FLVCR1: variants seen among roughly 807,000 people sequenced by gnomAD.
FLVCR1 encodes the protein FLVCR choline and heme transporter 1.
In FLVCR1, 34 loss-of-function variants were observed where a neutral mutation model predicts 53.6. That is an observed-to-expected ratio of 0.63 (90% CI 0.48 to 0.84). The LOEUF is 0.84. Ranked by LOEUF, FLVCR1 falls within the 40% of genes least tolerant of loss-of-function variation. FLVCR1 has a pLI of 0.00. For missense variants in FLVCR1, 677 were observed against 696.7 expected (o/e 0.97, Z 0.32); for synonymous variants, 300 against 286.3 (o/e 1.05, Z -0.48).
Position 212,898,419 on chromosome 1 carries a change from ATGTT to A in FLVCR1, c.*3131_*3134del, listed in dbSNP as rs1558125241. ...AATATATTTTAAGGTCTCTCCCCAAATGTTTTTATTTTTAAACTATCAATGTTGT... is the reference window on the plus strand; with the variant it reads ...AATATATTTTAAGGTCTCTCCCCAAATTTATTTTTAAACTATCAATGTTGT... On this transcript the variant is annotated 3_prime_UTR_variant, in exon 10 of 10. Coordinates refer to ENST00000366971, the MANE Select transcript of FLVCR1 (RefSeq NM_014053.4). 5.3e-5 allele frequency: 8 copies of A among 151,724 alleles called. No individual in the cohort carries two copies. Among genetic ancestry groups the A allele is most frequent in the African/African-American group, 1.9e-4 (8 of 41,212 alleles). The allele number at this position is 151,724 out of a possible 1,614,324, so 9.4% of individuals were successfully genotyped here. A position where few individuals can be genotyped will look rare whatever the true frequency, so the allele number is the denominator to read the frequency against.
intron 2 of FLVCR1, among the ~76,000 whole-genome samples, chr1:212,869,598 C>T (rs915386787): frequency 2.0e-5 from 3 of 152,214 alleles, no homozygotes; most frequent in Admixed American, 6.5e-5. Flanking sequence ...GGCTGGAGTG[C>T]GGTGGTGCGA....
chr1:212,888,645 T>C (rs1665117248), intron 7 of FLVCR1, 51 bp downstream of exon 7: 1 of 1,214,446 alleles, frequency 8.2e-7, no homozygotes, highest in Non-Finnish European at 1.2e-6. Flanking sequence ...CCAGATATTC[T>C]AGTGAGTAAT....
chr1:212,886,823 A>T (rs1375264157), intron 5 of FLVCR1, among the ~76,000 whole-genome samples: 1 of 152,090 alleles, frequency 6.6e-6, no homozygotes, highest in East Asian at 1.9e-4. Context: ...AAAAAAGAAT[A>T]TACTCTGTTA....
intron 8 of FLVCR1, among the ~76,000 whole-genome samples, chr1:212,893,577 A>C (rs1347957877): frequency 6.6e-6 from 1 of 152,126 alleles, no homozygotes; most frequent in African/African-American, 2.4e-5. Flanking sequence ...CTTTCATGAA[A>C]GGAAGAGTTG....
chr1:212,893,812 G>T (rs1665264031), intron 8 of FLVCR1, among the ~76,000 whole-genome samples: 1 of 152,130 alleles, frequency 6.6e-6, no homozygotes, highest in Non-Finnish European at 1.5e-5. Context: ...TTTCGCTCTT[G>T]TTGCCCAGGC....
chr1:212,858,583 C>A lies in FLVCR1; in HGVS notation c.131C>A (p.Ala44Glu). 6.7e-7 allele frequency: 1 copy of A among 1,500,024 alleles called. No homozygotes were observed. The highest frequency in any genetic ancestry group is 2.5e-5 in the East Asian group (1 of 40,548). The allele number at this position is 1,500,024 out of a possible 1,614,324, so 92.9% of individuals were successfully genotyped here. A position where few individuals can be genotyped will look rare whatever the true frequency, so the allele number is the denominator to read the frequency against. The change falls in exon 1 of 10, where the codon GCG becomes GAG. Residue 44 changes from alanine to glutamate, a missense_variant. Transcript: ENST00000366971. The part of the protein sequence containing the change: ...ESVELQNGPK[A>E]GTFPVNGAPR... ...GTGGAGCTGCAGAACGGGCCCAAAG[C>A]GGGCACCTTCCCGGTGAATGGGGCC...
rs1665382292 is a variant in FLVCR1 at position 212,897,860 on chromosome 1, A to G, written c.*2570A>G. ...GCCAACCTTCAACATTGGGGATTAC[A>G]TTTCAATGTGAGATTGGAGGGACAA... On this transcript the variant is annotated 3_prime_UTR_variant, in exon 10 of 10. Coordinates refer to ENST00000366971, the MANE Select transcript of FLVCR1 (RefSeq NM_014053.4). 1 of 152,230 alleles carries G rather than the reference A, an allele frequency of 6.6e-6. No homozygotes were observed. The highest frequency in any genetic ancestry group is 2.4e-5 in the African/African-American group (1 of 41,452). The allele number at this position is 152,230 out of a possible 1,614,324, so 9.4% of individuals were successfully genotyped here.
intron 5 of FLVCR1, among the ~76,000 whole-genome samples, chr1:212,886,526 A>C (rs1225549248): frequency 6.6e-6 from 1 of 152,146 alleles, no homozygotes; most frequent in African/African-American, 2.4e-5. Context: ...CTGGTTTGAC[A>C]CAATGTCTTA....
At position 212,858,836 on chromosome 1, in the gene FLVCR1, C is replaced by G. The variant is rs756953485; in HGVS notation, c.384C>G (p.Tyr128Ter). 1 of 1,614,238 alleles carries G rather than the reference C, an allele frequency of 6.2e-7. No homozygotes were observed. The highest frequency in any genetic ancestry group is 1.1e-5 in the South Asian group (1 of 91,092). ...TCAACGCCTTTCAGTGGATCCAGTA[C>G]AGCATCATTAGCAACGTCTTCGAGG... The part of the protein sequence containing the change: ...SLVNAFQWIQ[Y>*]SIISNVFEGF... The change falls in exon 1 of 10, where the codon TAC (tyrosine) becomes TAG (stop). Residue 128 changes from tyrosine (Y) to a stop codon, truncating the protein, a stop_gained. Coordinates refer to ENST00000366971, the MANE Select transcript of FLVCR1 (RefSeq NM_014053.4). LOFTEE classifies it high-confidence loss of function.
At chr1:212,885,489 G>A (rs1665036242) in intron 5 of FLVCR1, 93 bp downstream of exon 5, 1 of 771,756 alleles carries the variant, frequency 1.3e-6, no homozygotes, top group Non-Finnish European at 2.2e-6. Flanking sequence ...TTTAAAACAT[G>A]TTATTACTTA....
At chr1:212,873,649 A>G (rs1250392775) in intron 3 of FLVCR1, among the ~76,000 whole-genome samples, 3 of 152,186 alleles carry the variant, frequency 2.0e-5, no homozygotes, top group Non-Finnish European at 2.9e-5. Context: ...TTTTCTTCAG[A>G]GTTTTCTGAC....
rs1665372022 is a variant in FLVCR1 at position 212,897,417 on chromosome 1, G to A, written c.*2127G>A. The A allele has an allele frequency of 6.6e-6, 1 of 151,756 alleles. No individual in the cohort carries two copies. Among genetic ancestry groups the A allele is most frequent in the South Asian group, 2.1e-4 (1 of 4,832 alleles). The allele number at this position is 151,756 out of a possible 1,614,324, so 9.4% of individuals were successfully genotyped here. Reference sequence around the variant, plus strand: ...CACGCCTGTAGTCCCAGCTTCTTGGGAAGCTGAGGCATGAGAATTGCCTGA... The same window carrying A: ...CACGCCTGTAGTCCCAGCTTCTTGGAAAGCTGAGGCATGAGAATTGCCTGA... On this transcript the variant is annotated 3_prime_UTR_variant, in exon 10 of 10. Transcript: ENST00000366971.
intron 2 of FLVCR1, among the ~76,000 whole-genome samples, chr1:212,871,906 C>A (rs1051918396): frequency 6.6e-6 from 1 of 152,170 alleles, no homozygotes; most frequent in Non-Finnish European, 1.5e-5. Flanking sequence ...AGCTCTACCC[C>A]TGTACTTTCC....
chr1:212,891,799 T>A (rs141034121), intron 8 of FLVCR1, among the ~76,000 whole-genome samples: 80 of 152,320 alleles, frequency 5.3e-4, no homozygotes, highest in Admixed American at 1.3e-3. Flanking sequence ...AAAGCCCAGA[T>A]AGGCCAAAAG....
In FLVCR1 at chr1:212,897,166, C is replaced by CTCAAATAAAT. The variant is rs1665360122; in HGVS notation, c.*1876_*1877insTCAAATAAAT. The CTCAAATAAAT allele has an allele frequency of 3.5e-5, 5 of 143,590 alleles. No individual in the cohort carries two copies. The highest frequency in any genetic ancestry group is 1.3e-4 in the African/African-American group (5 of 37,256). 8.9% of individuals were successfully genotyped at this position (143,590 alleles called of 1,614,324 possible). A position where few individuals can be genotyped will look rare whatever the true frequency, so the allele number is the denominator to read the frequency against. On this transcript the variant is annotated 3_prime_UTR_variant, in exon 10 of 10. Coordinates refer to ENST00000366971, the MANE Select transcript of FLVCR1 (RefSeq NM_014053.4). ...CCTGGGAGATAAAGTGAGACTGTCT[C>CTCAAATAAAT]AAATAAATAAATAAATAAATAAATA... is the stretch of plus-strand genomic sequence containing the variant.
chr1:212,858,436 G>A lies in FLVCR1; in HGVS notation c.-17G>A. On this transcript the variant is annotated 5_prime_UTR_variant, in exon 1 of 10. Transcript: ENST00000366971. ...GAGTGGGGCGGGGGAGCGAGGTGGC[G>A]CCGGGGAGCCTGGGATATGGCGCGG... 1.4e-6 allele frequency: 2 copies of A among 1,431,658 alleles called. No individual in the cohort carries two copies. The highest frequency in any genetic ancestry group is 1.8e-6 in the Non-Finnish European group (2 of 1,097,904). The allele number at this position is 1,431,658 out of a possible 1,614,324, so 88.7% of individuals were successfully genotyped here. A position where few individuals can be genotyped will look rare whatever the true frequency, so the allele number is the denominator to read the frequency against.
chr1:212,860,370 T>G (rs1572004317), intron 1 of FLVCR1, among the ~76,000 whole-genome samples: 3 of 142,722 alleles, frequency 2.1e-5, no homozygotes, highest in Admixed American at 1.4e-4. Context: ...TTTTTTTTTG[T>G]AGAAATGGGG....
In FLVCR1 at chr1:212,895,052, C is replaced by T; in HGVS notation, c.1592C>T (p.Ala531Val). Residue 531 changes from alanine to valine, a missense_variant and splice_region_variant, in exon 9 of 10, where the codon GCT (alanine) becomes GTT (valine). Transcript: ENST00000366971. ...GGAATTACAAATGTTGATGTTAAAG[C>T]TGTAAGTAATATTTTTATGATTATA... The part of the protein sequence containing the change: ...NIGITNVDVK[A>V]IPADSPTDQE... The T allele has an allele frequency of 6.5e-7, 1 of 1,540,314 alleles. No individual in the cohort carries two copies. The highest frequency in any genetic ancestry group is 9.0e-7 in the Non-Finnish European group (1 of 1,113,048).
intron 4 of FLVCR1, among the ~76,000 whole-genome samples, chr1:212,884,743 C>G (rs919699526): frequency 1.3e-5 from 2 of 152,282 alleles, no homozygotes; most frequent in African/African-American, 2.4e-5. Context: ...AGTGTACTTA[C>G]GCAAACCTGA....
Sources: gnomAD v4.1 joint callset for allele counts (sites outside exome capture counted in the v4.1 genomes callset) on GRCh38, gnomAD v4.1.1 for gene constraint, MANE v1.5 for transcripts, NCBI Gene and HGNC (gene_info 2026-07-23, HGNC 2026-07-21) for gene names.